The following RIMS2 variants were observed in gnomAD, a reference collection of about 807,000 sequenced individuals.
The protein encoded by RIMS2 is regulating synaptic membrane exocytosis protein 2.
In RIMS2, 59 loss-of-function variants were observed where a neutral mutation model predicts 174.4. The ratio of observed to expected loss-of-function variants is 0.34; its 90% CI spans 0.27 to 0.42. RIMS2 has a LOEUF of 0.42. RIMS2 is among the 10% of genes least tolerant of loss of function. The pLI is 1.00. For missense variants in RIMS2, 1,620 were observed against 1,666.3 expected (o/e 0.97, Z 0.48); for synonymous variants, 606 against 572.5 (o/e 1.06, Z -0.84).
intron 3 of RIMS2, among the ~76,000 whole-genome samples, chr8:103,784,468 G>T (rs1592270231): frequency 8.7e-6 from 1 of 114,968 alleles, no homozygotes; most frequent in Admixed American, 9.5e-5. Context: ...AAGGGATCCA[G>T]TTTCAGCTTT....
chr8:103,851,397 A>C (rs1219141328), intron 3 of RIMS2, among the ~76,000 whole-genome samples: 1 of 151,860 alleles, frequency 6.6e-6, no homozygotes, highest in Admixed American at 6.6e-5. Context: ...AACATGAAAA[A>C]AATCTGATAA....
chr8:104,107,965 CT>C (rs2098106375), intron 19 of RIMS2, among the ~76,000 whole-genome samples: 3 of 123,200 alleles, frequency 2.4e-5, no homozygotes, highest in Non-Finnish European at 3.6e-5. Flanking sequence ...GGTCTTTCCC[CT>C]GCCCCCCCCC....
chr8:104,061,192 T>A (rs920807905), intron 19 of RIMS2, among the ~76,000 whole-genome samples: 1 of 152,164 alleles, frequency 6.6e-6, no homozygotes, highest in East Asian at 1.9e-4. Flanking sequence ...GCCGTTATTA[T>A]TGTGTGGGAG....
chr8:103,791,807 A>T (rs1225761966), intron 3 of RIMS2, among the ~76,000 whole-genome samples: 1 of 152,210 alleles, frequency 6.6e-6, no homozygotes, highest in East Asian at 1.9e-4. Context: ...ACCAACAAAG[A>T]TCAAAAGAGA....
rs558085527 is a variant in RIMS2, at chr8:103,501,062, A to G, written c.176A>G (p.Lys59Arg). 2.5e-5 allele frequency: 40 copies of G among 1,592,582 alleles called. No homozygotes were observed. The East Asian group carries it at 8.6e-4, about 34-fold the overall frequency. The change falls in exon 1 of 24, where the codon AAA becomes AGA. Residue 59 changes from lysine (K) to arginine (R), a missense_variant and splice_region_variant. Lys to Arg is a conservative substitution (Grantham distance 26). Coordinates refer to ENST00000504942, the Ensembl canonical transcript of RIMS2. ...GAGGAGAAGGAGCAGTCCGTGCTCA[A>G]GTAAGGACCTGGCTCCATATTCCCG... is the stretch of plus-strand genomic sequence containing the variant.
chr8:103,943,046 A>AT, intron 14 of RIMS2, 120 bp downstream of exon 16: 1 of 697,448 alleles, frequency 1.4e-6, no homozygotes, highest in Non-Finnish European at 2.3e-6. Context: ...TAGTGTTTCC[A>AT]TAGCTATGAA....
intron 19 of RIMS2, among the ~76,000 whole-genome samples, chr8:104,038,760 A>G (rs2096560634): frequency 1.3e-5 from 2 of 151,882 alleles, no homozygotes; most frequent in Admixed American, 6.6e-5. Flanking sequence ...GTTTAAATGC[A>G]ATAGTACATA....
intron 19 of RIMS2, among the ~76,000 whole-genome samples, chr8:104,144,356 A>G (rs1356580581): frequency 2.6e-5 from 4 of 152,194 alleles, no homozygotes; most frequent in South Asian, 2.1e-4. Flanking sequence ...CGAACACCCT[A>G]TATCAACACT....
chr8:103,595,516 GA>G (rs1383914936), intron 1 of RIMS2, among the ~76,000 whole-genome samples: 1 of 151,844 alleles, frequency 6.6e-6, no homozygotes, highest in East Asian at 1.9e-4. Flanking sequence ...TTAAGATTTA[GA>G]AAAGGATAGA....
intron 1 of RIMS2, among the ~76,000 whole-genome samples, chr8:103,509,179 G>C (rs1452054886): frequency 6.6e-6 from 1 of 152,050 alleles, no homozygotes; most frequent in Non-Finnish European, 1.5e-5. Flanking sequence ...GAACAAAGGG[G>C]AGAAAGTAAG....
At chr8:104,013,380 C>A in intron 17 of RIMS2, 62 bp from the exon 20 acceptor site, 1 of 1,384,050 alleles carries the variant, frequency 7.2e-7, no homozygotes, top group Non-Finnish European at 1.0e-6. Context: ...TTTGATGCAT[C>A]ATAACCAAAT....
chr8:104,170,163 A>G (rs1189052129), intron 19 of RIMS2, among the ~76,000 whole-genome samples: 5 of 152,048 alleles, frequency 3.3e-5, no homozygotes, highest in Non-Finnish European at 7.4e-5. Flanking sequence ...CATTTTCTGT[A>G]AATATCTGTT....
At chr8:103,553,019 A>C (rs1170024018) in intron 1 of RIMS2, among the ~76,000 whole-genome samples, 1 of 152,200 alleles carries the variant, frequency 6.6e-6, no homozygotes, top group Non-Finnish European at 1.5e-5. Flanking sequence ...TAGTTCAACC[A>C]TTGTGGAAGA....
chr8:104,198,163 A>T (rs1468880201), intron 19 of RIMS2, among the ~76,000 whole-genome samples: 3 of 152,132 alleles, frequency 2.0e-5, no homozygotes, highest in Non-Finnish European at 4.4e-5. Flanking sequence ...TCAAGATCCA[A>T]AGTTTTTGCT....
chr8:103,927,975 T>C, intron 11 of RIMS2: 9 of 1,042,706 alleles, frequency 8.6e-6, no homozygotes, highest in Non-Finnish European at 1.3e-5. Flanking sequence ...TAGGAAAACT[T>C]TTTTTGTTAT....
At chr8:104,190,250 C>T (rs756226703) in intron 19 of RIMS2, among the ~76,000 whole-genome samples, 1 of 151,982 alleles carries the variant, frequency 6.6e-6, no homozygotes, top group Non-Finnish European at 1.5e-5. Flanking sequence ...TGCAGTGGAC[C>T]ATGATTATGC....
At chr8:103,882,885 C>A (rs113768533) in intron 3 of RIMS2, among the ~76,000 whole-genome samples, 4,116 of 151,630 alleles carry the variant, frequency 0.027, 79 homozygotes, top group Middle Eastern at 0.049. Context: ...TACTTACTTT[C>A]AAAAATTCAT....
intron 10 of RIMS2, among the ~76,000 whole-genome samples, chr8:103,927,047 A>C (rs753393517): frequency 6.6e-6 from 1 of 151,454 alleles, no homozygotes; most frequent in Non-Finnish European, 1.5e-5. Flanking sequence ...CAACTACCTC[A>C]TAAGGTTGTT....
At chr8:104,175,465 C>T (rs2098880114) in intron 19 of RIMS2, among the ~76,000 whole-genome samples, 1 of 152,048 alleles carries the variant, frequency 6.6e-6, no homozygotes, top group Non-Finnish European at 1.5e-5. Context: ...TCAAATTATA[C>T]TCAGTTATTT....
Sources: allele counts gnomAD v4.1 joint callset (sites outside exome capture counted in the v4.1 genomes callset), GRCh38; gene constraint gnomAD v4.1.1; transcripts MANE v1.5; gene names NCBI Gene and HGNC (gene_info 2026-07-23, HGNC 2026-07-21).